Variants in SH3GL2 observed in about 807,000 individuals in gnomAD.
SH3GL2 encodes endophilin-A1.
In SH3GL2, 24 loss-of-function variants were observed where a neutral mutation model predicts 46.0. The ratio of observed to expected loss-of-function variants is 0.52; its 90% CI spans 0.38 to 0.73. The LOEUF is 0.73. Among genes scored for constraint, SH3GL2 ranks in the 30% least tolerant of loss-of-function variants. The pLI is 0.00. For synonymous variants in SH3GL2, 196 were observed against 147.1 expected (o/e 1.33, Z -2.40); for missense variants, 413 against 424.2 (o/e 0.97, Z 0.23).
intron 1 of SH3GL2, among the ~76,000 whole-genome samples, chr9:17,630,744 T>C (rs551075446): frequency 6.6e-6 from 1 of 152,296 alleles, no homozygotes; most frequent in African/African-American, 2.4e-5. Flanking sequence ...TCCTGTTCAT[T>C]ATGCAATAAT....
At chr9:17,613,980 G>C (rs1258877349) in intron 1 of SH3GL2, among the ~76,000 whole-genome samples, 1 of 152,090 alleles carries the variant, frequency 6.6e-6, no homozygotes, top group African/African-American at 2.4e-5. Context: ...ACTTTCTAAA[G>C]GGTTTTGTGC....
intron 1 of SH3GL2, among the ~76,000 whole-genome samples, chr9:17,600,272 C>T (rs1818644866): frequency 6.6e-6 from 1 of 152,112 alleles, no homozygotes; most frequent in Admixed American, 6.5e-5. Flanking sequence ...TGTTCTTAAA[C>T]TGTTTGATTA....
chr9:17,773,507 C>T (rs1183765952), intron 3 of SH3GL2, among the ~76,000 whole-genome samples: 1 of 151,942 alleles, frequency 6.6e-6, no homozygotes, highest in Admixed American at 6.6e-5. Context: ...GAAAAAGGTC[C>T]AAATTCATTT....
chr9:17,756,778 A>G (rs1275182925), intron 2 of SH3GL2, among the ~76,000 whole-genome samples: 17 of 152,164 alleles, frequency 1.1e-4, no homozygotes, highest in East Asian at 7.7e-4. Flanking sequence ...TAGTGCCGCA[A>G]TAAACATACG....
intron 1 of SH3GL2, among the ~76,000 whole-genome samples, chr9:17,744,541 T>A: frequency 6.6e-6 from 1 of 152,204 alleles, no homozygotes; most frequent in East Asian, 1.9e-4. Flanking sequence ...AATTTATTTT[T>A]ATTTTTGTAG....
chr9:17,723,625 T>C lies in SH3GL2; in HGVS notation c.46-23441T>C, dbSNP rs149687244. 1.2e-3 allele frequency among the ~76,000 whole-genome samples: 178 copies of C among 152,276 alleles called. 1 individual carries two copies. The highest frequency in any genetic ancestry group is 6.8e-3 in the Middle Eastern group (2 of 294). On this transcript the variant is annotated intron_variant, in intron 1 of 8. Coordinates refer to ENST00000380607, the MANE Select transcript of SH3GL2 (RefSeq NM_003026.5). ...AAAGGTCGGTTTCAGATAAAGTCTT[T>C]TGACAAACAACATCTTTTCTTCATG...
intron 1 of SH3GL2, among the ~76,000 whole-genome samples, chr9:17,743,521 T>C (rs1822589347): frequency 6.6e-6 from 1 of 151,134 alleles, no homozygotes; most frequent in Admixed American, 6.6e-5. Flanking sequence ...ATTGAGGCAC[T>C]CCTCCCTCCT....
At chr9:17,587,044 A>G (rs1818390836) in intron 1 of SH3GL2, among the ~76,000 whole-genome samples, 1 of 152,136 alleles carries the variant, frequency 6.6e-6, no homozygotes, top group Non-Finnish European at 1.5e-5. Flanking sequence ...TCTACTAAAA[A>G]TGGGAAAATT....
At chr9:17,667,627 G>A (rs904036271) in intron 1 of SH3GL2, among the ~76,000 whole-genome samples, 13 of 152,122 alleles carry the variant, frequency 8.5e-5, no homozygotes, top group Non-Finnish European at 1.8e-4. Flanking sequence ...GAACCCTTGT[G>A]TGCACGTTTT....
intron 1 of SH3GL2, among the ~76,000 whole-genome samples, chr9:17,637,598 A>G (rs1301028181): frequency 6.6e-6 from 1 of 152,258 alleles, no homozygotes; most frequent in Non-Finnish European, 1.5e-5. Context: ...CTTTGGACAC[A>G]CAAGTGTGGT....
intron 1 of SH3GL2, among the ~76,000 whole-genome samples, chr9:17,638,069 A>G (rs1303322302): frequency 6.6e-6 from 1 of 151,720 alleles, no homozygotes; most frequent in Non-Finnish European, 1.5e-5. Context: ...AGGCAGGAGA[A>G]TGGCATGAAC....
chr9:17,776,668 C>CTTTT (rs10660060), intron 3 of SH3GL2, among the ~76,000 whole-genome samples: 163 of 147,534 alleles, frequency 1.1e-3, no homozygotes, highest in East Asian at 4.2e-3. Context: ...AATGTCCCAT[C>CTTTT]TTTTTTTTTT....
At chr9:17,741,420 A>G (rs1316954840) in intron 1 of SH3GL2, among the ~76,000 whole-genome samples, 1 of 152,212 alleles carries the variant, frequency 6.6e-6, no homozygotes, top group Non-Finnish European at 1.5e-5. Flanking sequence ...TGAAAGTTGT[A>G]TAGTGGATGA....
chr9:17,796,323 C>G lies in SH3GL2; in HGVS notation c.*580C>G, dbSNP rs79930829. On this transcript the variant is annotated 3_prime_UTR_variant, in exon 9 of 9. Coordinates refer to ENST00000380607, the MANE Select transcript of SH3GL2 (RefSeq NM_003026.5). ...CAAATAGGCATCTCAGCTCCTCACA[C>G]TTATGGCTATTTCTGACGTATAGCC... 1.8e-3 allele frequency: 281 copies of G among 152,814 alleles called. 1 individual carries two copies. Among genetic ancestry groups the G allele is most frequent in the South Asian group, 6.2e-3 (30 of 4,826 alleles). 9.5% of individuals were successfully genotyped at this position (152,814 alleles called of 1,614,324 possible).
chr9:17,770,695 T>C (rs1389820909), intron 3 of SH3GL2, among the ~76,000 whole-genome samples: 1 of 152,204 alleles, frequency 6.6e-6, no homozygotes, highest in Non-Finnish European at 1.5e-5. Flanking sequence ...ATTCCCTTCC[T>C]TGTCTAGAAG....
chr9:17,694,852 T>C (rs947830898), intron 1 of SH3GL2, among the ~76,000 whole-genome samples: 9 of 152,188 alleles, frequency 5.9e-5, no homozygotes, highest in African/African-American at 2.2e-4. Flanking sequence ...AGTGGGGGCT[T>C]ACAGACTAGA....
chr9:17,763,558 A>C (rs139710979), intron 3 of SH3GL2, among the ~76,000 whole-genome samples: 10 of 152,292 alleles, frequency 6.6e-5, no homozygotes, highest in Non-Finnish European at 1.3e-4. Context: ...GCTGGAAGAC[A>C]TGAGGAAGGA....
At chr9:17,696,210 T>C (rs1821198622) in intron 1 of SH3GL2, among the ~76,000 whole-genome samples, 1 of 152,152 alleles carries the variant, frequency 6.6e-6, no homozygotes, top group Non-Finnish European at 1.5e-5. Context: ...AAAGAGAACA[T>C]TTTTAAAATC....
At chr9:17,591,120 G>A (rs973388022) in intron 1 of SH3GL2, 1 of 152,160 alleles carries the variant, frequency 6.6e-6, no homozygotes, top group East Asian at 1.9e-4. Context: ...ACACAGACAT[G>A]TAAAGCATTT....
Sources: allele counts gnomAD v4.1 joint callset (sites outside exome capture counted in the v4.1 genomes callset), GRCh38; gene constraint gnomAD v4.1.1; transcripts MANE v1.5; gene names NCBI Gene and HGNC (gene_info 2026-07-23, HGNC 2026-07-21).